Variants in TTN observed in about 807,000 individuals in gnomAD.
TTN encodes titin, also known as connectin.
TTN carries 1,525 observed loss-of-function variants against 3,223.0 expected under a neutral mutation model. The ratio of observed to expected loss-of-function variants is 0.47; its 90% CI spans 0.45 to 0.49. The LOEUF (loss-of-function observed/expected upper bound fraction) is 0.49, where lower values mean the gene tolerates loss of function less well. Ranked by LOEUF, TTN falls within the 20% of genes least tolerant of loss-of-function variation. TTN has a pLI of 0.00. For missense variants in TTN, 40,786 were observed against 43,424.0 expected, an observed-to-expected ratio of 0.94 and a Z score of 5.40; for synonymous variants, 14,094 against 15,161.0, an observed-to-expected ratio of 0.93 and a Z score of 5.17.
Position 178,605,055 on chromosome 2 carries a change from C to G in TTN, c.54122G>C (p.Gly18041Ala). ...ATTGGAAGCAGTAACTGTGTAAGTG[C>G]CTTTGTCCTCCCGGACCGCTTTGGG... ...SIPKAVREDK[G>A]TYTVTASNRL... The change falls in exon 280 of 363, where the codon GGC becomes GCC. Residue 18041 changes from glycine to alanine, a missense_variant. Transcript: ENST00000589042. 1.2e-6 allele frequency: 2 copies of G among 1,612,106 alleles called. No individual in the cohort carries two copies. Among genetic ancestry groups the G allele is most frequent in the Non-Finnish European group, 1.7e-6 (2 of 1,178,838 alleles).
At position 178,727,129 on chromosome 2, in the gene TTN, C is replaced by T. The variant is rs202108224; in HGVS notation, c.20236G>A (p.Ala6746Thr). 233 of 1,596,980 alleles carry T rather than the reference C, an allele frequency of 1.5e-4. No homozygotes were observed. The African/African-American group carries it at 2.6e-3, about 18-fold the overall frequency. Residue 6746 changes from alanine (A) to threonine (T), a missense_variant, in exon 69 of 363, where the codon GCT becomes ACT. Physicochemically the swap from Ala to Thr is moderately conservative, Grantham distance 58. Transcript: ENST00000589042. ...GDFICEAQNP[A>T]GSTSCSTKVI... Reference sequence around the variant, plus strand: ...TTGGTACTGCAGCTTGTGCTGCCAGCGGGATTCTGAGCCTCACAAATGAAA... The same window carrying T: ...TTGGTACTGCAGCTTGTGCTGCCAGTGGGATTCTGAGCCTCACAAATGAAA...
chr2:178,613,969 A>G (rs1205422694), intron 262 of TTN, 32 bp from the exon 263 acceptor site: 3 of 1,607,418 alleles, frequency 1.9e-6, no homozygotes, highest in Non-Finnish European at 2.5e-6. Context: ...AAAATGTTAT[A>G]TGTCCTGTAT....
chr2:178,717,437 G>C lies in TTN; in HGVS notation c.25352-55C>G. ...TTTTATTTCCATGCTCTCACATACA[G>C]AGCAGAAACTAAATGGCACCAGCCT... On this transcript the variant is annotated intron_variant, in intron 87 of 362. Coordinates refer to ENST00000589042, the MANE Select transcript of TTN (RefSeq NM_001267550.2). 5.1e-6 allele frequency: 8 copies of C among 1,567,242 alleles called. No homozygotes were observed. In the East Asian group the frequency reaches 6.8e-5, roughly 13 times the overall value.
chr2:178,580,454 C>T lies in TTN; in HGVS notation c.66925G>A (p.Asp22309Asn), dbSNP rs1204440058. 2.5e-6 allele frequency: 4 copies of T among 1,612,986 alleles called. No homozygotes were observed. The African/African-American group carries it at 4.0e-5, about 16-fold the overall frequency. Reference sequence around the variant, plus strand: ...GTGTCAAAGTCAGTTGACTTTATGTCCAGTCCAATCCTGTCTCTTAGATTG... The same window carrying T: ...GTGTCAAAGTCAGTTGACTTTATGTTCAGTCCAATCCTGTCTCTTAGATTG... The part of the protein sequence containing the change: ...NVNLRDRIGL[D>N]IKSTDFDTFL... The change falls in exon 317 of 363, where the codon GAC (aspartate) becomes AAC (asparagine). Residue 22309 changes from aspartate (D) to asparagine (N), a missense_variant. Physicochemically the swap from Asp to Asn is conservative, Grantham distance 23. Coordinates refer to ENST00000589042, the MANE Select transcript of TTN (RefSeq NM_001267550.2).
chr2:178,589,285 T>C lies in TTN; in HGVS notation c.62440A>G (p.Arg20814Gly). ...TKDKDATDLTRSPRVKIDTRA... is the reference protein window; with the variant it reads ...TKDKDATDLTGSPRVKIDTRA... ...GTATCAATCTTGACCCTTGGTGATC[T>C]TGTTAAGTCTGTAGCGTCTTTGTCC... is the stretch of plus-strand genomic sequence containing the variant. Residue 20814 changes from arginine (R) to glycine (G), a missense_variant, in exon 304 of 363, where the codon AGA becomes GGA. Arg to Gly is a moderately radical substitution (Grantham distance 125). Coordinates refer to ENST00000589042, the MANE Select transcript of TTN (RefSeq NM_001267550.2). The C allele has an allele frequency of 1.2e-6, 2 of 1,613,414 alleles. No homozygotes were observed. Among genetic ancestry groups the C allele is most frequent in the Non-Finnish European group, 1.7e-6 (2 of 1,179,566 alleles).
rs368170108 is a variant in TTN, at chr2:178,678,874, T to C, written c.33743-44A>G. Reference sequence around the variant, plus strand: ...GAGTTAGTGTCACATTTTTTACCCATAGCTAAGATTTTAAGGCTGGCAATG... The same window carrying C: ...GAGTTAGTGTCACATTTTTTACCCACAGCTAAGATTTTAAGGCTGGCAATG... On this transcript the variant is annotated intron_variant, in intron 142 of 362. Coordinates refer to ENST00000589042, the MANE Select transcript of TTN (RefSeq NM_001267550.2). 1.1e-5 allele frequency: 17 copies of C among 1,514,618 alleles called. No individual in the cohort carries two copies. In the African/African-American group the frequency reaches 2.3e-4, roughly 21 times the overall value. 93.8% of individuals were successfully genotyped at this position (1,514,618 alleles called of 1,614,324 possible). A position where few individuals can be genotyped will look rare whatever the true frequency, so the allele number is the denominator to read the frequency against.
intron 354 of TTN, 118 bp from the exon 355 acceptor site, chr2:178,538,035 T>C: frequency 1.0e-6 from 1 of 974,330 alleles, no homozygotes; most frequent in Non-Finnish European, 1.5e-6. Context: ...ATTTACATAT[T>C]AGCCTAATTC....
At chr2:178,796,335 A>G (rs1262183307) in intron 6 of TTN, among the ~76,000 whole-genome samples, 1 of 152,164 alleles carries the variant, frequency 6.6e-6, no homozygotes, top group Non-Finnish European at 1.5e-5. Context: ...GCATCTTGTC[A>G]CTATCTAGGA....
rs918424830 is a variant in TTN, at chr2:178,646,865, G to T, written c.40222+199C>A. Among the ~76,000 whole-genome samples, 4 of 151,880 alleles carry T rather than the reference G, an allele frequency of 2.6e-5. No homozygotes were observed. In the South Asian group the frequency reaches 6.2e-4, roughly 24 times the overall value. On this transcript the variant is annotated intron_variant, in intron 215 of 362. Coordinates refer to ENST00000589042, the MANE Select transcript of TTN (RefSeq NM_001267550.2). ...CAGTAAACTGTACCTTTTGGAAATT[G>T]TAATTACCAACAACAGTAACTAAAT...
intron 47 of TTN, chr2:178,750,111 C>T (rs1042508167): frequency 1.2e-6 from 2 of 1,613,152 alleles, no homozygotes; most frequent in Non-Finnish European, 8.5e-7. Context: ...GAAAGCAATT[C>T]TGTGTCTCCA....
Position 178,775,792 on chromosome 2 carries a change from A to T in TTN, c.6072T>A (p.Asp2024Glu). Reference protein sequence around the residue: ...TAVELKSRKKDESYEELLRKT... With the variant: ...TAVELKSRKKEESYEELLRKT... ...TCCTGAGGAGTTCCTCATAGGATTC[A>T]TCCTTCTTTCGAGACTTGAGCTCCA... The change falls in exon 28 of 363, where the codon GAT becomes GAA. Residue 2024 changes from aspartate to glutamate, a missense_variant. Coordinates refer to ENST00000589042, the MANE Select transcript of TTN (RefSeq NM_001267550.2). 6.2e-7 allele frequency: 1 copy of T among 1,613,572 alleles called. No individual in the cohort carries two copies. The highest frequency in any genetic ancestry group is 8.5e-7 in the Non-Finnish European group (1 of 1,179,868).
At position 178,760,660 on chromosome 2, in the gene TTN, T is replaced by A. The variant is rs116677019; in HGVS notation, c.10115-1488A>T. Among the ~76,000 whole-genome samples, 1,033 of 152,324 alleles carry A rather than the reference T, an allele frequency of 6.8e-3. 14 individuals carry two copies. The highest frequency in any genetic ancestry group is 0.024 in the African/African-American group (1,004 of 41,564). ...TAATTTATGGGCTATTCGTTGCATA[T>A]AATTGCTGTGAGAATTAAATGATAT... On this transcript the variant is annotated intron_variant, in intron 43 of 362. Coordinates refer to ENST00000589042, the MANE Select transcript of TTN (RefSeq NM_001267550.2).
Position 178,589,870 on chromosome 2 carries a change from C to A in TTN, c.61855G>T (p.Val20619Phe), listed in dbSNP as rs1377163743. Residue 20619 changes from valine to phenylalanine, a missense_variant, in exon 304 of 363, where the codon GTT becomes TTT. Physicochemically the swap from Val to Phe is conservative, Grantham distance 50. Coordinates refer to ENST00000589042, the MANE Select transcript of TTN (RefSeq NM_001267550.2). ...RKPNQKGWSIVASDVTKRLIK... is the reference protein window; with the variant it reads ...RKPNQKGWSIFASDVTKRLIK... ...AATCGTTTAGTGACATCTGATGCAA[C>A]AATTGACCAGCCTTTCTGGTTTGGT... 1 of 1,613,420 alleles carries A rather than the reference C, an allele frequency of 6.2e-7. No individual in the cohort carries two copies. Among genetic ancestry groups the A allele is most frequent in the Middle Eastern group, 1.7e-4 (1 of 6,058 alleles).
Position 178,620,865 on chromosome 2 carries a change from C to T in TTN, c.45745G>A (p.Asp15249Asn). The change falls in exon 247 of 363, where the codon GAT becomes AAT. Residue 15249 changes from aspartate (D) to asparagine (N), a missense_variant. Transcript: ENST00000589042. ...KWFRNEEAIF[D>N]SSKYIILQKD... ...TGGAGAATGATGTATTTTGAACTAT[C>T]AAATATAGCTTCTTCATTTCTGAAC... 6.2e-7 allele frequency: 1 copy of T among 1,612,566 alleles called. No homozygotes were observed. Among genetic ancestry groups the T allele is most frequent in the South Asian group, 1.1e-5 (1 of 91,040 alleles).
chr2:178,615,245 A>G (rs758341515), intron 259 of TTN, 62 bp downstream of exon 259: 1 of 1,572,998 alleles, frequency 6.4e-7, no homozygotes, highest in African/African-American at 1.4e-5. Flanking sequence ...AATTTTCCCC[A>G]ACAAAGCCCA....
At chr2:178,583,448 G>A (rs1160972955) in intron 312 of TTN, 159 bp downstream of exon 312, 2 of 901,654 alleles carry the variant, frequency 2.2e-6, no homozygotes, top group Non-Finnish European at 3.1e-6. Context: ...AATTTAGCAT[G>A]TTATTATGAT....
rs1448515102 is a variant in TTN at position 178,792,170 on chromosome 2, C to A, written c.1564G>T (p.Val522Leu). 6.2e-7 allele frequency: 1 copy of A among 1,608,420 alleles called. No homozygotes were observed. Among genetic ancestry groups the A allele is most frequent in the Non-Finnish European group, 8.5e-7 (1 of 1,178,658 alleles). ...QIRKETEKTFVPKVVISAAKA... is the reference protein window; with the variant it reads ...QIRKETEKTFLPKVVISAAKA... ...GCTGCGGAAATTACTACCTTTGGTA[C>A]AAATGTTTTTTCAGTTTCTTTTCTT... The change falls in exon 10 of 363, where the codon GTA (valine) becomes TTA (leucine). Residue 522 changes from valine (V) to leucine (L), a missense_variant. Physicochemically the swap from Val to Leu is conservative, Grantham distance 32 (BLOSUM62 1). Coordinates refer to ENST00000589042, the MANE Select transcript of TTN (RefSeq NM_001267550.2).
Position 178,650,256 on chromosome 2 carries a change from T to C in TTN, c.39725A>G (p.Glu13242Gly), listed in dbSNP as rs751562406. 6.3e-7 allele frequency: 1 copy of C among 1,583,432 alleles called. No individual in the cohort carries two copies. The highest frequency in any genetic ancestry group is 8.6e-7 in the Non-Finnish European group (1 of 1,162,982). The change falls in exon 210 of 363, where the codon GAG (glutamate) becomes GGG (glycine). Residue 13242 changes from glutamate (E) to glycine (G), a missense_variant. Physicochemically the swap from Glu to Gly is moderately conservative, Grantham distance 98 (BLOSUM62 -2). Coordinates refer to ENST00000589042, the MANE Select transcript of TTN (RefSeq NM_001267550.2). ...SPPPEVYEEP[E>G]EIAPEEEIAP... ...AATTTCCTCTTCAGGAGCAATTTCC[T>C]CAGGTTCTTCATATACTTTAAAGAT...
At position 178,582,465 on chromosome 2, in the gene TTN, T is replaced by C. The variant is rs2047997167; in HGVS notation, c.65991A>G (p.Glu21997=). The C allele has an allele frequency of 6.2e-7, 1 of 1,613,000 alleles. No homozygotes were observed. Among genetic ancestry groups the C allele is most frequent in the East Asian group, 2.2e-5 (1 of 44,654 alleles). The change falls in exon 314 of 363, where the codon GAA becomes GAG. Residue 21997 remains glutamate (E), a synonymous_variant. Transcript: ENST00000589042. ...EITNYIVDKR[E]TSRPNWAQVS... is the part of the protein sequence containing the mutation. ...CTTGAGCCCAGTTGGGCCTGCTTGT[T>C]TCACGTTTGTCAACAATATAGTTGG...
Sources: gnomAD v4.1 joint callset for allele counts (sites outside exome capture counted in the v4.1 genomes callset) on GRCh38, gnomAD v4.1.1 for gene constraint, MANE v1.5 for transcripts, NCBI Gene and HGNC (gene_info 2026-07-23, HGNC 2026-07-21) for gene names.